Variants in DACH2 observed in about 807,000 individuals in gnomAD.
DACH2 encodes dachshund family transcription factor 2.
A neutral mutation model predicts 35.8 loss-of-function variants in DACH2; 17 were observed. The ratio of observed to expected loss-of-function variants is 0.48; its 90% CI spans 0.33 to 0.71. The LOEUF (loss-of-function observed/expected upper bound fraction) is 0.71. Ranked by LOEUF, DACH2 falls within the 30% of genes least tolerant of loss-of-function variation. The pLI is 0.02. For synonymous variants in DACH2, 195 were observed against 177.3 expected, an observed-to-expected ratio of 1.10 and a Z score of -0.79; for missense variants, 469 against 472.7, an observed-to-expected ratio of 0.99 and a Z score of 0.07.
At chrX:86,712,082 C>G (rs762608915) in intron 5 of DACH2, among the ~76,000 whole-genome samples, 7 of 111,165 alleles carry the variant, frequency 6.3e-5, no homozygotes, top group African/African-American at 2.3e-4. Flanking sequence ...TAAGTTTGAT[C>G]AATTTGTGAC....
At chrX:86,607,296 G>A (rs976980792) in intron 3 of DACH2, among the ~76,000 whole-genome samples, 2 of 111,142 alleles carry the variant, frequency 1.8e-5, no homozygotes, top group Non-Finnish European at 3.8e-5. Context: ...TGTCACTGAA[G>A]GTAATTCTCT....
intron 2 of DACH2, among the ~76,000 whole-genome samples, chrX:86,484,922 G>T (rs2037996284): frequency 9.0e-6 from 1 of 111,630 alleles, no homozygotes; most frequent in Admixed American, 9.6e-5. Flanking sequence ...TTGTTGGGAG[G>T]TTAATACAGT....
At chrX:86,663,172 T>C (rs185524286) in intron 4 of DACH2, among the ~76,000 whole-genome samples, 12 of 111,312 alleles carry the variant, frequency 1.1e-4, no homozygotes, top group Non-Finnish European at 1.7e-4. Flanking sequence ...ATAGAAACAA[T>C]GTAGGCACTC....
intron 2 of DACH2, among the ~76,000 whole-genome samples, chrX:86,507,740 A>T (rs921857276): frequency 4.5e-5 from 5 of 111,896 alleles, no homozygotes. Context: ...TGCAGTCAGA[A>T]ATATTGAAGG....
intron 1 of DACH2, among the ~76,000 whole-genome samples, chrX:86,340,492 C>T (rs1022035190): frequency 7.2e-5 from 8 of 110,971 alleles, no homozygotes; most frequent in African/African-American, 2.6e-4. Context: ...ATCTCTCCCC[C>T]TCTCCTTGGG....
At chrX:86,495,621 G>A (rs2038158513) in intron 2 of DACH2, among the ~76,000 whole-genome samples, 1 of 109,574 alleles carries the variant, frequency 9.1e-6, no homozygotes, top group South Asian at 3.9e-4. Flanking sequence ...ACCAGCCTGG[G>A]CAACATAGTG....
At chrX:86,408,677 GA>G (rs1481138220) in intron 2 of DACH2, among the ~76,000 whole-genome samples, 1 of 111,420 alleles carries the variant, frequency 9.0e-6, no homozygotes, top group Non-Finnish European at 1.9e-5. Context: ...AATTGGAGTA[GA>G]AAAAACATCT....
chrX:86,474,326 T>C (rs1602560183), intron 2 of DACH2, among the ~76,000 whole-genome samples: 1 of 111,922 alleles, frequency 8.9e-6, no homozygotes. Flanking sequence ...GTGTCTTTGT[T>C]GATTGTTTCC....
intron 2 of DACH2, among the ~76,000 whole-genome samples, chrX:86,466,382 C>T (rs760112998): frequency 9.1e-6 from 1 of 110,078 alleles, no homozygotes; most frequent in Non-Finnish European, 1.9e-5. Flanking sequence ...GTCCCTCCCA[C>T]AACATGTAGG....
At chrX:86,176,099 CAGTATG>C (rs200355336) in intron 1 of DACH2, among the ~76,000 whole-genome samples, 2,089 of 110,914 alleles carry the variant, frequency 0.019, 63 homozygotes, top group African/African-American at 0.064. Flanking sequence ...TTTTGCTAAG[CAGTATG>C]AGTATAACAA....
At chrX:86,320,685 C>G (rs1270464317) in intron 1 of DACH2, among the ~76,000 whole-genome samples, 2 of 112,423 alleles carry the variant, frequency 1.8e-5, no homozygotes, top group Non-Finnish European at 3.8e-5. Flanking sequence ...GCAGGCTGAC[C>G]ATACTTTAGC....
At chrX:86,531,349 C>T (rs1271049911) in intron 3 of DACH2, among the ~76,000 whole-genome samples, 1 of 111,476 alleles carries the variant, frequency 9.0e-6, no homozygotes, top group Admixed American at 9.5e-5. Flanking sequence ...CCAGCCCCTC[C>T]CATCACAGAC....
intron 2 of DACH2, among the ~76,000 whole-genome samples, chrX:86,378,515 G>A (rs1467727306): frequency 3.6e-5 from 4 of 110,744 alleles, no homozygotes; most frequent in Non-Finnish European, 7.6e-5. Context: ...TGGGAATGCA[G>A]GCTCAGTATT....
intron 1 of DACH2, among the ~76,000 whole-genome samples, chrX:86,357,443 T>A (rs183063319): frequency 1.1e-3 from 124 of 112,333 alleles, no homozygotes; most frequent in African/African-American, 3.8e-3. Context: ...GTTTTTCACA[T>A]GTGAAGCAAC....
intron 1 of DACH2, among the ~76,000 whole-genome samples, chrX:86,237,401 T>C (rs2033077856): frequency 8.9e-6 from 1 of 112,087 alleles, no homozygotes; most frequent in Non-Finnish European, 1.9e-5. Context: ...TGTTATACTT[T>C]TTATAGGACT....
At chrX:86,318,299 T>C (rs1215244336) in intron 1 of DACH2, among the ~76,000 whole-genome samples, 1 of 111,713 alleles carries the variant, frequency 9.0e-6, no homozygotes, top group East Asian at 2.9e-4. Flanking sequence ...TTAACTCTCA[T>C]TCTGCTTGAT....
chrX:86,694,352 C>T (rs745656550), intron 4 of DACH2, among the ~76,000 whole-genome samples: 1 of 112,220 alleles, frequency 8.9e-6, no homozygotes, highest in Non-Finnish European at 1.9e-5. Flanking sequence ...ATGGTTCTAT[C>T]CCCCATAGTA....
chrX:86,173,557 C>T (rs928434618), intron 1 of DACH2, among the ~76,000 whole-genome samples: 1 of 111,163 alleles, frequency 9.0e-6, no homozygotes, highest in African/African-American at 3.3e-5. Context: ...ACAGTTGGAC[C>T]AGAAGCCAGG....
intron 3 of DACH2, among the ~76,000 whole-genome samples, chrX:86,596,633 T>C (rs183268909): frequency 9.0e-6 from 1 of 111,695 alleles, no homozygotes; most frequent in Non-Finnish European, 1.9e-5. Flanking sequence ...ATTTATCAGA[T>C]ACATAGTTTT....
Sources: gnomAD v4.1 joint callset for allele counts (sites outside exome capture counted in the v4.1 genomes callset) on GRCh38, gnomAD v4.1.1 for gene constraint, MANE v1.5 for transcripts, NCBI Gene and HGNC (gene_info 2026-07-23, HGNC 2026-07-21) for gene names.